Variants in TRABD2B observed in about 807,000 individuals in gnomAD.
The protein encoded by TRABD2B is TraB domain containing 2B.
In TRABD2B, 14 loss-of-function variants were observed where a neutral mutation model predicts 40.1. That is an observed-to-expected ratio of 0.35 (90% CI 0.23 to 0.55). The LOEUF is 0.55. TRABD2B is among the 20% of genes least tolerant of loss of function. The pLI, the probability that TRABD2B is intolerant of heterozygous loss-of-function variation, is 0.90. For synonymous variants in TRABD2B, 263 were observed against 277.0 expected (o/e 0.95, Z 0.50); for missense variants, 541 against 648.6 (o/e 0.83, Z 1.80).
chr1:47,923,768 A>T (rs1466940003), intron 2 of TRABD2B, among the ~76,000 whole-genome samples: 1 of 152,120 alleles, frequency 6.6e-6, no homozygotes, highest in Admixed American at 6.5e-5. Flanking sequence ...GGGAGAGGGA[A>T]TTCTGCCAGC....
intron 2 of TRABD2B, chr1:47,820,064 C>T (rs1348746587): frequency 6.6e-6 from 1 of 152,364 alleles, no homozygotes; most frequent in Non-Finnish European, 1.5e-5. Context: ...GCACTGACCA[C>T]CTTCTAACAC....
At chr1:47,884,356 A>G (rs1644343915) in intron 2 of TRABD2B, among the ~76,000 whole-genome samples, 1 of 152,234 alleles carries the variant, frequency 6.6e-6, no homozygotes, top group East Asian at 1.9e-4. Flanking sequence ...GGCCCCCAGC[A>G]GATCTGTGGT....
intron 2 of TRABD2B, among the ~76,000 whole-genome samples, chr1:47,850,072 T>C (rs1645526987): frequency 6.6e-6 from 1 of 152,218 alleles, no homozygotes; most frequent in South Asian, 2.1e-4. Flanking sequence ...GAAAATCTAT[T>C]TCCCACCCTC....
chr1:47,913,019 C>A (rs1369651128), intron 2 of TRABD2B, among the ~76,000 whole-genome samples: 1 of 152,200 alleles, frequency 6.6e-6, no homozygotes, highest in Non-Finnish European at 1.5e-5. Flanking sequence ...AGTGTCTGGG[C>A]AGCTCTTGGC....
At chr1:47,977,760 G>A (rs1196699557) in intron 2 of TRABD2B, among the ~76,000 whole-genome samples, 1 of 151,900 alleles carries the variant, frequency 6.6e-6, no homozygotes, top group Non-Finnish European at 1.5e-5. Context: ...GAGAGGAAAT[G>A]AGGGGGAATT....
intron 2 of TRABD2B, among the ~76,000 whole-genome samples, chr1:47,810,251 C>G (rs1314046822): frequency 6.6e-6 from 1 of 151,956 alleles, no homozygotes; most frequent in African/African-American, 2.4e-5. Flanking sequence ...GTTGTCGAGG[C>G]TGGAGTGCAG....
At chr1:47,778,588 A>G in intron 4 of TRABD2B, 44 bp from the exon 5 acceptor site, 1 of 1,448,938 alleles carries the variant, frequency 6.9e-7, no homozygotes, top group South Asian at 1.2e-5. Flanking sequence ...ATGCCAGGCC[A>G]CCGGCCACAG....
chr1:47,964,441 T>G (rs1470283176), intron 2 of TRABD2B, among the ~76,000 whole-genome samples: 6 of 152,162 alleles, frequency 3.9e-5, no homozygotes. Flanking sequence ...TTCCAAACTT[T>G]TTACTGAGAT....
At chr1:47,932,294 G>A (rs1029727148) in intron 2 of TRABD2B, among the ~76,000 whole-genome samples, 7 of 152,198 alleles carry the variant, frequency 4.6e-5, no homozygotes, top group African/African-American at 1.7e-4. Context: ...CTGGAGTATA[G>A]CTACAGAAGG....
At chr1:47,881,020 G>T (rs908641782) in intron 2 of TRABD2B, among the ~76,000 whole-genome samples, 1 of 152,208 alleles carries the variant, frequency 6.6e-6, no homozygotes, top group African/African-American at 2.4e-5. Flanking sequence ...CTTAGATCTT[G>T]TCCTGTAGGC....
rs56348753 is a variant in TRABD2B, at chr1:47,820,782, CCACACACACA to C, written c.667-19173_667-19164del. On this transcript the variant is annotated intron_variant, in intron 2 of 6. Coordinates refer to ENST00000606738, the MANE Select transcript of TRABD2B (RefSeq NM_001194986.2). ...TTCAATACTGAGAAGTTCACACACA[CCACACACACA>C]CACACACACACACACACACACACAC... 2.5e-3 allele frequency among the ~76,000 whole-genome samples: 363 copies of C among 147,210 alleles called. 4 individuals are homozygous for C. Among genetic ancestry groups the C allele is most frequent in the African/African-American group, 8.3e-3 (330 of 39,734 alleles).
intron 2 of TRABD2B, among the ~76,000 whole-genome samples, chr1:47,980,539 C>T (rs118116468): frequency 9.1e-4 from 139 of 152,280 alleles, no homozygotes; most frequent in East Asian, 3.5e-3. Flanking sequence ...AGGTGGGAAG[C>T]GACATTCTGT....
chr1:47,803,080 C>G (rs1023042660), intron 2 of TRABD2B, among the ~76,000 whole-genome samples: 1 of 152,206 alleles, frequency 6.6e-6, no homozygotes, highest in Non-Finnish European at 1.5e-5. Context: ...AATCCGGCTC[C>G]CTCGTCTCCA....
At chr1:47,780,956 C>T (rs1029028182) in intron 4 of TRABD2B, among the ~76,000 whole-genome samples, 5 of 152,224 alleles carry the variant, frequency 3.3e-5, no homozygotes, top group African/African-American at 1.2e-4. Context: ...TCAAACGGGC[C>T]TACAGTTCTT....
At chr1:47,981,923 G>A (rs1285713020) in intron 2 of TRABD2B, among the ~76,000 whole-genome samples, 1 of 152,184 alleles carries the variant, frequency 6.6e-6, no homozygotes, top group Non-Finnish European at 1.5e-5. Flanking sequence ...AAAGGATGCT[G>A]AGAGGCAGGA....
Position 47,952,005 on chromosome 1 carries a change from G to A in TRABD2B, c.666+42029C>T, listed in dbSNP as rs556820203. ...AGCTGGGAGTTCTGACCCCTGCATCGCTCAGCACCCTCAGTGCCCTGAAGA... is the reference window on the plus strand; with the variant it reads ...AGCTGGGAGTTCTGACCCCTGCATCACTCAGCACCCTCAGTGCCCTGAAGA... On this transcript the variant is annotated intron_variant, in intron 2 of 6. Transcript: ENST00000606738. Among the ~76,000 whole-genome samples, 24 of 152,278 alleles carry A rather than the reference G, an allele frequency of 1.6e-4. No individual in the cohort carries two copies. The South Asian group carries it at 2.5e-3, about 16-fold the overall frequency.
chr1:47,908,565 C>A (rs1348782260), intron 2 of TRABD2B, among the ~76,000 whole-genome samples: 1 of 152,330 alleles, frequency 6.6e-6, no homozygotes, highest in African/African-American at 2.4e-5. Context: ...CTCCTATTCT[C>A]TCCCTCCTGT....
At chr1:47,927,766 C>G (rs954330546) in intron 2 of TRABD2B, among the ~76,000 whole-genome samples, 2 of 152,222 alleles carry the variant, frequency 1.3e-5, no homozygotes, top group Non-Finnish European at 2.9e-5. Context: ...CCTCTGATTC[C>G]TCATCTGCGA....
intron 4 of TRABD2B, among the ~76,000 whole-genome samples, chr1:47,790,651 A>C (rs1398359704): frequency 1.3e-5 from 2 of 152,168 alleles, no homozygotes; most frequent in African/African-American, 4.8e-5. Flanking sequence ...CACACCTGGG[A>C]CTCAAGAGGC....
Sources: allele counts gnomAD v4.1 joint callset (sites outside exome capture counted in the v4.1 genomes callset), GRCh38; gene constraint gnomAD v4.1.1; transcripts MANE v1.5; gene names NCBI Gene and HGNC (gene_info 2026-07-23, HGNC 2026-07-21).